Variants in FAM234A observed in about 807,000 individuals in gnomAD.
The protein encoded by FAM234A is family with sequence similarity 234 member A, also known as protein FAM234A.
Under a neutral mutation model 49.1 loss-of-function variants are expected in FAM234A, and 42 were observed. The observed-to-expected ratio is 0.86, with a 90% confidence interval of 0.67 to 1.11. The LOEUF is 1.11. FAM234A is among the 50% of genes least tolerant of loss of function. The probability of loss-of-function intolerance (pLI) is 0.00; values close to 1 mark genes in which losing one functional copy is unlikely to be tolerated. For synonymous variants in FAM234A, 369 were observed against 316.2 expected, an observed-to-expected ratio of 1.17 and a Z score of -1.77; for missense variants, 815 against 745.2, an observed-to-expected ratio of 1.09 and a Z score of -1.09.
chr16:244,014 G>T (rs2050706405), intron 1 of FAM234A, among the ~76,000 whole-genome samples: 1 of 151,810 alleles, frequency 6.6e-6, no homozygotes, highest in Non-Finnish European at 1.5e-5. Context: ...TGTCACCCAG[G>T]CTGGAGTGCA....
intron 5 of FAM234A, 156 bp from the exon 6 acceptor site, chr16:261,228 C>G: frequency 1.2e-6 from 1 of 804,992 alleles, no homozygotes; most frequent in Admixed American, 2.3e-5. Context: ...GTGCCGCCCT[C>G]CCCTCCTGTT....
chr16:268,052 G>A (rs183637558), downstream of FAM234A, among the ~76,000 whole-genome samples: 106 of 109,832 alleles, frequency 9.7e-4, 4 homozygotes, highest in African/African-American at 3.8e-3. Context: ...GCACACGGGT[G>A]CTACACACAA....
rs1295729258 is a variant in FAM234A, at chr16:265,024, G to A, written c.*2G>A. On this transcript the variant is annotated 3_prime_UTR_variant, in exon 13 of 13. Coordinates refer to ENST00000399932, the MANE Select transcript of FAM234A (RefSeq NM_032039.4). ...CTGCGGTACCAGAGTGAGGCGTAGA[G>A]GCACGCCAGCCAGAGCCTGTGGAGA... is the stretch of plus-strand genomic sequence containing the variant. 2 of 1,596,636 alleles carry A rather than the reference G, an allele frequency of 1.3e-6. No individual in the cohort carries two copies. Among genetic ancestry groups the A allele is most frequent in the East Asian group, 4.5e-5 (2 of 44,508 alleles).
At chr16:263,638 C>T in intron 9 of FAM234A, 62 bp from the exon 10 acceptor site, 1 of 1,396,204 alleles carries the variant, frequency 7.2e-7, no homozygotes, top group Non-Finnish European at 1.0e-6. Context: ...TTCCTGGGTG[C>T]TTCCTTCATC....
At position 260,016 on chromosome 16, in the gene FAM234A, G is replaced by C; in HGVS notation, c.433G>C (p.Gly145Arg). 1 of 1,609,804 alleles carries C rather than the reference G, an allele frequency of 6.2e-7. No homozygotes were observed. Among genetic ancestry groups the C allele is most frequent in the Non-Finnish European group, 8.5e-7 (1 of 1,176,628 alleles). Reference sequence around the variant, plus strand: ...TGCAGCTGCTGTGTCGGGGGCCAACGGCAGCACGCTCTGGGAGAGACCTGT... The same window carrying C: ...TGCAGCTGCTGTGTCGGGGGCCAACCGCAGCACGCTCTGGGAGAGACCTGT... ...TFAAAVSGAN[G>R]STLWERPVAQ... Residue 145 changes from glycine (G) to arginine (R), a missense_variant, in exon 5 of 13, where the codon GGC becomes CGC. By Grantham distance (125) the Gly-to-Arg change is moderately radical (BLOSUM62 -2). Transcript: ENST00000399932.
intron 1 of FAM234A, among the ~76,000 whole-genome samples, chr16:244,705 T>G (rs1479599493): frequency 7.3e-6 from 1 of 137,360 alleles, no homozygotes; most frequent in Non-Finnish European, 1.6e-5. Flanking sequence ...TTTTTTTTTT[T>G]GAGACGGAAT....
At chr16:258,064 C>G (rs991592940) in intron 3 of FAM234A, among the ~76,000 whole-genome samples, 3 of 151,926 alleles carry the variant, frequency 2.0e-5, no homozygotes, top group Non-Finnish European at 2.9e-5. Context: ...CCGTATTAGC[C>G]AGGCTTGTCT....
At chr16:267,641 C>G (rs1447741054), downstream of FAM234A, among the ~76,000 whole-genome samples, 1 of 114,354 alleles carries the variant, frequency 8.7e-6, no homozygotes, top group Admixed American at 7.7e-5. Context: ...ATGCCTCATA[C>G]GACACGTGCA....
At chr16:248,835 G>C (rs1017377161) in intron 1 of FAM234A, among the ~76,000 whole-genome samples, 1 of 151,756 alleles carries the variant, frequency 6.6e-6, no homozygotes, top group East Asian at 1.9e-4. Context: ...TGCCCAGGCT[G>C]GTCTCAAACT....
At chr16:260,943 A>AC (rs1203041606) in intron 5 of FAM234A, among the ~76,000 whole-genome samples, 5 of 152,132 alleles carry the variant, frequency 3.3e-5, no homozygotes, top group Non-Finnish European at 5.9e-5. Flanking sequence ...GGGGCCACTC[A>AC]GCTGGGGCCT....
chr16:256,904 G>A (rs978278835), intron 3 of FAM234A, among the ~76,000 whole-genome samples: 4 of 151,996 alleles, frequency 2.6e-5, no homozygotes, highest in Admixed American at 2.0e-4. Context: ...CACCACACCC[G>A]GCTAATTTTG....
chr16:256,141 C>T (rs1009433614), intron 3 of FAM234A, among the ~76,000 whole-genome samples: 2 of 152,214 alleles, frequency 1.3e-5, no homozygotes, highest in African/African-American at 4.8e-5. Context: ...TCAGTTGAGA[C>T]TCTTATGAAT....
At position 260,016 on chromosome 16, in the gene FAM234A, G is replaced by A. The variant is rs141604262; in HGVS notation, c.433G>A (p.Gly145Ser). 33 of 1,609,804 alleles carry A rather than the reference G, an allele frequency of 2.0e-5. No homozygotes were observed. Among genetic ancestry groups the A allele is most frequent in the Middle Eastern group, 1.7e-4 (1 of 5,880 alleles). The change falls in exon 5 of 13, where the codon GGC (glycine) becomes AGC (serine). Residue 145 changes from glycine (G) to serine (S), a missense_variant. Transcript: ENST00000399932. ...TFAAAVSGAN[G>S]STLWERPVAQ... ...TGCAGCTGCTGTGTCGGGGGCCAAC[G>A]GCAGCACGCTCTGGGAGAGACCTGT...
chr16:260,674 T>C, intron 5 of FAM234A: 1 of 470,544 alleles, frequency 2.1e-6, no homozygotes, highest in Non-Finnish European at 4.4e-6. Context: ...GTGGGCTCCT[T>C]GCACCTCATC....
intron 1 of FAM234A, among the ~76,000 whole-genome samples, chr16:237,697 A>G (rs1596727407): frequency 6.7e-6 from 1 of 148,176 alleles, no homozygotes; most frequent in South Asian, 2.1e-4. Flanking sequence ...CCACCACAAA[A>G]CCTGTTAATG....
Position 264,302 on chromosome 16 carries a change from G to A in FAM234A, c.1344+131G>A, listed in dbSNP as rs532807951. 4.8e-6 allele frequency: 5 copies of A among 1,033,332 alleles called. No homozygotes were observed. In the South Asian group the frequency reaches 5.0e-5, roughly 10 times the overall value. The allele number at this position is 1,033,332 out of a possible 1,614,324, so 64.0% of individuals were successfully genotyped here. A position where few individuals can be genotyped will look rare whatever the true frequency, so the allele number is the denominator to read the frequency against. On this transcript the variant is annotated intron_variant, in intron 11 of 12. Coordinates refer to ENST00000399932, the MANE Select transcript of FAM234A (RefSeq NM_032039.4). ...TCACATAAGTTGAAGTCCAGTGACA[G>A]TCAGGATGAGGTGGTGCAAGCTGAG...
intron 1 of FAM234A, among the ~76,000 whole-genome samples, chr16:239,633 TTAACAC>T (rs2050542742): frequency 7.3e-6 from 1 of 136,130 alleles, no homozygotes; most frequent in Non-Finnish European, 1.6e-5. Context: ...AAAAAAAAAA[TTAACAC>T]TAATTTGTGG....
chr16:239,116 A>G (rs1237006457), intron 1 of FAM234A, among the ~76,000 whole-genome samples: 2 of 123,598 alleles, frequency 1.6e-5, no homozygotes, highest in South Asian at 5.7e-4. Context: ...TGGCTAACAC[A>G]GTGAAACCCC....
At chr16:251,729 C>T (rs1472797266) in intron 2 of FAM234A, among the ~76,000 whole-genome samples, 1 of 124,724 alleles carries the variant, frequency 8.0e-6, no homozygotes, top group African/African-American at 3.0e-5. Context: ...CTTGGCCAGG[C>T]GTGGTGGCTC....
Sources: allele counts gnomAD v4.1 joint callset (sites outside exome capture counted in the v4.1 genomes callset), GRCh38; gene constraint gnomAD v4.1.1; transcripts MANE v1.5; gene names NCBI Gene and HGNC (gene_info 2026-07-23, HGNC 2026-07-21).